The following APBB2 variants were observed in gnomAD, a reference collection of about 807,000 sequenced individuals.
The protein encoded by APBB2 is amyloid beta precursor protein binding family B member 2.
Under a neutral mutation model 82.5 loss-of-function variants are expected in APBB2, and 38 were observed. That is an observed-to-expected ratio of 0.46 (90% CI 0.36 to 0.60). The LOEUF (loss-of-function observed/expected upper bound fraction) is 0.60. Among genes scored for constraint, APBB2 ranks in the 20% least tolerant of loss-of-function variants. The pLI is 0.00. For missense variants in APBB2, 772 were observed against 972.3 expected (o/e 0.79, Z 2.74); for synonymous variants, 341 against 368.2 (o/e 0.93, Z 0.85).
intron 5 of APBB2, among the ~76,000 whole-genome samples, chr4:41,028,432 G>A (rs1345311190): frequency 3.3e-5 from 5 of 152,198 alleles, no homozygotes; most frequent in Admixed American, 6.5e-5. Context: ...GGTAAGAGTG[G>A]TGCTCTGTTT....
intron 1 of APBB2, among the ~76,000 whole-genome samples, chr4:41,149,229 C>T (rs751144166): frequency 2.0e-5 from 3 of 151,324 alleles, no homozygotes; most frequent in Non-Finnish European, 2.9e-5. Context: ...AGTTTTACCA[C>T]GGGGAATATC....
intron 12 of APBB2, among the ~76,000 whole-genome samples, chr4:40,853,952 T>C (rs1760314258): frequency 6.6e-6 from 1 of 152,198 alleles, no homozygotes; most frequent in Non-Finnish European, 1.5e-5. Context: ...CTGAATTGTT[T>C]TTCCGGCTTA....
At chr4:41,160,154 G>C (rs572522433) in intron 1 of APBB2, among the ~76,000 whole-genome samples, 1 of 152,196 alleles carries the variant, frequency 6.6e-6, no homozygotes, top group South Asian at 2.1e-4. Flanking sequence ...GTGATCCAGG[G>C]CCCAGGGCAA....
intron 10 of APBB2, among the ~76,000 whole-genome samples, chr4:40,909,183 C>A (rs1208602900): frequency 6.6e-6 from 1 of 152,338 alleles, no homozygotes; most frequent in African/African-American, 2.4e-5. Context: ...GCAATGCCTG[C>A]CCCACAGCGA....
rs1276941208 is a variant in APBB2 at position 40,814,979 on chromosome 4, A to G, written c.*1113T>C. On this transcript the variant is annotated 3_prime_UTR_variant, in exon 18 of 18. Coordinates refer to ENST00000508593, the MANE Select transcript of APBB2 (RefSeq NM_004307.2). ...TCAAGGAAAGGTTCAACCTAATGTA[A>G]TTTGTTGCCATGGACAATACATGAT... 1.3e-5 allele frequency: 2 copies of G among 152,332 alleles called. No homozygotes were observed. Among genetic ancestry groups the G allele is most frequent in the African/African-American group, 4.8e-5 (2 of 41,470 alleles). 9.4% of individuals were successfully genotyped at this position (152,332 alleles called of 1,614,324 possible). A position where few individuals can be genotyped will look rare whatever the true frequency, so the allele number is the denominator to read the frequency against.
chr4:41,059,563 G>T (rs545706517), intron 4 of APBB2, among the ~76,000 whole-genome samples: 1 of 152,264 alleles, frequency 6.6e-6, no homozygotes, highest in Non-Finnish European at 1.5e-5. Context: ...GCGGAAAACC[G>T]CTTAAAGGCG....
intron 2 of APBB2, among the ~76,000 whole-genome samples, chr4:41,116,615 G>A (rs114427639): frequency 1.3e-5 from 2 of 152,062 alleles, no homozygotes; most frequent in East Asian, 1.9e-4. Flanking sequence ...TGGGCGACAA[G>A]AGCGAAACTC....
intron 1 of APBB2, among the ~76,000 whole-genome samples, chr4:41,193,248 G>C (rs1185213939): frequency 1.3e-5 from 2 of 152,110 alleles, no homozygotes; most frequent in Non-Finnish European, 2.9e-5. Context: ...AGTAAAATAG[G>C]GAAAAGATGA....
rs866703757 is a variant in APBB2, at chr4:40,886,954, C to A, written c.1529+3410G>T. ...TATGGCCAAGAAAGAGGAGGCAGCC[C>A]TCACTTTGCCAGGCAATAAAGCAAA... On this transcript the variant is annotated intron_variant, in intron 12 of 17. Transcript: ENST00000508593. Among the ~76,000 whole-genome samples the A allele has an allele frequency of 4.1e-4, 63 of 152,206 alleles. 1 individual carries two copies. The highest frequency in any genetic ancestry group is 6.2e-4 in the South Asian group (3 of 4,830).
intron 6 of APBB2, among the ~76,000 whole-genome samples, chr4:40,997,804 G>A (rs909309826): frequency 5.7e-4 from 86 of 152,158 alleles, no homozygotes; most frequent in African/African-American, 1.9e-3. Context: ...ATGTAATAAC[G>A]TCCTTGAAGC....
At chr4:41,157,177 C>T (rs573675354) in intron 1 of APBB2, among the ~76,000 whole-genome samples, 4 of 152,104 alleles carry the variant, frequency 2.6e-5, no homozygotes, top group Admixed American at 2.0e-4. Context: ...CAGCAAGTGG[C>T]GATTTCTATC....
At chr4:40,954,559 T>C (rs557265017) in intron 6 of APBB2, among the ~76,000 whole-genome samples, 78 of 152,152 alleles carry the variant, frequency 5.1e-4, no homozygotes, top group Non-Finnish European at 8.4e-4. Context: ...TGTGAGAACG[T>C]ACACTGCTGG....
At chr4:40,857,263 C>G in intron 12 of APBB2, 4 of 786,424 alleles carry the variant, frequency 5.1e-6, no homozygotes, top group Non-Finnish European at 6.2e-6. Flanking sequence ...GCCGCACTCC[C>G]GTGAAGTGCT....
At chr4:41,075,631 C>G (rs991024896) in intron 3 of APBB2, among the ~76,000 whole-genome samples, 3 of 152,166 alleles carry the variant, frequency 2.0e-5, no homozygotes, top group African/African-American at 4.8e-5. Context: ...GGACCCAACT[C>G]AAGTCAACCT....
chr4:41,169,399 T>G (rs1007525900), intron 1 of APBB2, among the ~76,000 whole-genome samples: 16 of 151,846 alleles, frequency 1.1e-4, no homozygotes, highest in African/African-American at 3.6e-4. Flanking sequence ...TAAAAGCTTT[T>G]CACATCCCTG....
chr4:41,213,288 A>G (rs1779789582), intron 1 of APBB2, among the ~76,000 whole-genome samples: 1 of 152,148 alleles, frequency 6.6e-6, no homozygotes, highest in African/African-American at 2.4e-5. Context: ...TCACGTAAGT[A>G]ATTAGACACA....
At chr4:40,889,415 C>A (rs1771325177) in intron 12 of APBB2, among the ~76,000 whole-genome samples, 1 of 152,184 alleles carries the variant, frequency 6.6e-6, no homozygotes, top group South Asian at 2.1e-4. Context: ...AATAAAAAAG[C>A]AGAATGTTCA....
At chr4:41,098,205 A>G (rs1463829166) in intron 3 of APBB2, among the ~76,000 whole-genome samples, 1 of 151,334 alleles carries the variant, frequency 6.6e-6, no homozygotes, top group East Asian at 1.9e-4. Context: ...TTTTTTTTAG[A>G]GTCAGGATCT....
intron 2 of APBB2, among the ~76,000 whole-genome samples, chr4:41,126,598 G>T (rs960364119): frequency 6.6e-6 from 1 of 152,138 alleles, no homozygotes; most frequent in African/African-American, 2.4e-5. Context: ...TAGTTTGATA[G>T]GACTGCCATA....
Sources: allele counts gnomAD v4.1 joint callset (sites outside exome capture counted in the v4.1 genomes callset), GRCh38; gene constraint gnomAD v4.1.1; transcripts MANE v1.5; gene names NCBI Gene and HGNC (gene_info 2026-07-23, HGNC 2026-07-21).